Variants in CLDN16 observed in about 807,000 individuals in gnomAD.
CLDN16 encodes the protein claudin-16.
A neutral mutation model predicts 24.6 loss-of-function variants in CLDN16; 13 were observed. That is an observed-to-expected ratio of 0.53 (90% CI 0.34 to 0.84). The LOEUF (loss-of-function observed/expected upper bound fraction) is 0.84, where lower values mean the gene tolerates loss of function less well. CLDN16 is among the 40% of genes least tolerant of loss of function. The probability of loss-of-function intolerance (pLI) is 0.01; values close to 1 mark genes in which losing one functional copy is unlikely to be tolerated. For missense variants in CLDN16, 298 were observed against 292.7 expected (o/e 1.02, Z -0.13); for synonymous variants, 116 against 106.7 (o/e 1.09, Z -0.54).
At chr3:190,388,731 C>T (rs958888950) in intron 1 of CLDN16, among the ~76,000 whole-genome samples, 1 of 152,116 alleles carries the variant, frequency 6.6e-6, no homozygotes, top group African/African-American at 2.4e-5. Flanking sequence ...GCTACTGAGA[C>T]CTCCAGAAAT....
At chr3:190,388,066 C>T, upstream of CLDN16, 2 of 1,537,590 alleles carry the variant, frequency 1.3e-6, no homozygotes, top group Non-Finnish European at 1.8e-6. Flanking sequence ...ACCCGAAACA[C>T]ACTCAGCCCT....
intron 1 of CLDN16, among the ~76,000 whole-genome samples, chr3:190,359,836 A>G (rs1717848762): frequency 6.6e-6 from 1 of 152,012 alleles, no homozygotes; most frequent in East Asian, 1.9e-4. Flanking sequence ...AGAGAAAGAA[A>G]TGTTCAGAAA....
chr3:190,367,575 A>C (rs1036111779), intron 1 of CLDN16, among the ~76,000 whole-genome samples: 4 of 151,978 alleles, frequency 2.6e-5, no homozygotes, highest in Non-Finnish European at 5.9e-5. Context: ...CCGATTTATT[A>C]TTTGTCAAAG....
chr3:190,400,522 T>C (rs563875130), intron 1 of CLDN16, among the ~76,000 whole-genome samples: 2 of 152,318 alleles, frequency 1.3e-5, no homozygotes, highest in East Asian at 1.9e-4. Flanking sequence ...TGAGCCACCG[T>C]GCCCGACCGA....
At chr3:190,296,413 G>A in the CLDN16 span, among the ~76,000 whole-genome samples, 9 of 152,024 alleles carry the variant, frequency 5.9e-5, no homozygotes, top group Admixed American at 5.9e-4. Context: ...CTGATGCTGC[G>A]AAAAAAGCAG....
rs760160835 is a variant in CLDN16 at position 190,388,309 on chromosome 3, C to T, written c.-21C>T. The T allele has an allele frequency of 6.2e-7, 1 of 1,614,154 alleles. No homozygotes were observed. Among genetic ancestry groups the T allele is most frequent in the South Asian group, 1.1e-5 (1 of 91,078 alleles). On this transcript the variant is annotated 5_prime_UTR_variant, in exon 1 of 5. Transcript: ENST00000264734. The stretch of plus-strand genomic sequence containing the variant: ...GGCTGGTGTCTGCCCATGTTGCCAT[C>T]CTGATGGGCTGCTTGCCACAATGAG...
intron 3 of CLDN16, among the ~76,000 whole-genome samples, chr3:190,379,181 T>C (rs941499006): frequency 6.6e-6 from 1 of 152,060 alleles, no homozygotes. Context: ...CAATACAATA[T>C]AAGCTAAAAA....
At chr3:190,290,991 G>A in the CLDN16 span, among the ~76,000 whole-genome samples, 1 of 152,160 alleles carries the variant, frequency 6.6e-6, no homozygotes, top group Non-Finnish European at 1.5e-5. Flanking sequence ...AGAGTAATGA[G>A]GGGCTGGGTT....
upstream of CLDN16, among the ~76,000 whole-genome samples, chr3:190,386,621 GA>G (rs1718504198): frequency 6.6e-6 from 1 of 152,140 alleles, no homozygotes; most frequent in African/African-American, 2.4e-5. Flanking sequence ...TACCACTGAT[GA>G]ATTGTTTATC....
intron 1 of CLDN16, among the ~76,000 whole-genome samples, chr3:190,335,006 C>T (rs73192421): frequency 6.9e-6 from 1 of 145,340 alleles, no homozygotes. Context: ...TTATTCTTTT[C>T]TTTCCTTTTC....
chr3:190,332,639 T>C (rs2108623963), intron 1 of CLDN16, among the ~76,000 whole-genome samples: 1 of 152,334 alleles, frequency 6.6e-6, no homozygotes. Context: ...TTAATTAAGT[T>C]AGCAGAAAGA....
At chr3:190,354,749 A>G (rs1372361122) in intron 1 of CLDN16, among the ~76,000 whole-genome samples, 2 of 152,058 alleles carry the variant, frequency 1.3e-5, no homozygotes, top group East Asian at 1.9e-4. Flanking sequence ...TTCTGCCGTT[A>G]AAGAATGAAG....
intron 1 of CLDN16, among the ~76,000 whole-genome samples, chr3:190,360,211 C>A (rs921747269): frequency 6.6e-6 from 1 of 151,978 alleles, no homozygotes; most frequent in Non-Finnish European, 1.5e-5. Context: ...ATACAAAATT[C>A]TCTAAAATAG....
intron 1 of CLDN16, among the ~76,000 whole-genome samples, chr3:190,341,024 C>T (rs1473802913): frequency 6.6e-6 from 1 of 152,210 alleles, no homozygotes; most frequent in Non-Finnish European, 1.5e-5. Flanking sequence ...CAGCTCTGCC[C>T]TTGTGGCTTT....
chr3:190,391,208 G>GTTTTTTTTTTT (rs57481102), intron 1 of CLDN16, among the ~76,000 whole-genome samples: 1 of 135,772 alleles, frequency 7.4e-6, no homozygotes, highest in Non-Finnish European at 1.6e-5. Flanking sequence ...TACTTTTCCA[G>GTTTTTTTTTTT]TTTTTTTTTT....
At chr3:190,383,531 A>G (rs1020444719), upstream of CLDN16, among the ~76,000 whole-genome samples, 16 of 152,188 alleles carry the variant, frequency 1.1e-4, no homozygotes, top group Non-Finnish European at 4.4e-5. Context: ...ACAGATACTC[A>G]TATCACTGGA....
intron 1 of CLDN16, among the ~76,000 whole-genome samples, chr3:190,340,519 C>T (rs1178734919): frequency 6.6e-6 from 1 of 152,072 alleles, no homozygotes; most frequent in Admixed American, 6.5e-5. Flanking sequence ...AAAGACCTCC[C>T]ACCCATGATT....
the CLDN16 span, among the ~76,000 whole-genome samples, chr3:190,300,655 C>T: frequency 2.6e-5 from 4 of 152,332 alleles, 1 homozygote; most frequent in East Asian, 3.9e-4. Context: ...TTGCTGATCC[C>T]TCCGATCCCT....
At position 190,388,564 on chromosome 3, in the gene CLDN16, T is replaced by G; in HGVS notation, c.114+121T>G. 4.8e-6 allele frequency: 4 copies of G among 825,568 alleles called. No individual in the cohort carries two copies. The South Asian group carries it at 5.4e-5, about 11-fold the overall frequency. 51.1% of individuals were successfully genotyped at this position (825,568 alleles called of 1,614,324 possible). On this transcript the variant is annotated intron_variant, in intron 1 of 4. Coordinates refer to ENST00000264734, the MANE Select transcript of CLDN16 (RefSeq NM_006580.4). ...CTAATGATACCAAAAATAGGCAACATGGACTATTTATTGAGTCTTTACATT... is the reference window on the plus strand; with the variant it reads ...CTAATGATACCAAAAATAGGCAACAGGGACTATTTATTGAGTCTTTACATT...
Sources: allele counts gnomAD v4.1 joint callset (sites outside exome capture counted in the v4.1 genomes callset), GRCh38; gene constraint gnomAD v4.1.1; transcripts MANE v1.5; gene names NCBI Gene and HGNC (gene_info 2026-07-23, HGNC 2026-07-21).